CEP162: variants seen among roughly 807,000 people sequenced by gnomAD.
CEP162 encodes centrosomal protein 162, also known as centrosomal protein of 162 kDa.
A neutral mutation model predicts 169.2 loss-of-function variants in CEP162; 141 were observed. The observed-to-expected ratio is 0.83, with a 90% CI of 0.73 to 0.96. The LOEUF (loss-of-function observed/expected upper bound fraction) is 0.96. Among genes scored for constraint, CEP162 ranks in the 40% least tolerant of loss-of-function variants. CEP162 has a pLI of 0.00. For synonymous variants in CEP162, 540 were observed against 526.4 expected, an observed-to-expected ratio of 1.03 and a Z score of -0.35; for missense variants, 1,600 against 1,587.2, an observed-to-expected ratio of 1.01 and a Z score of -0.14.
intron 21 of CEP162, among the ~76,000 whole-genome samples, chr6:84,159,547 A>ATATTTTTTTTTTTTTTTTTT (rs2099524779): frequency 3.1e-5 from 1 of 31,940 alleles, no homozygotes; most frequent in Non-Finnish European, 5.1e-5. Flanking sequence ...ATATATATAT[A>ATATTTTTTTTTTTTTTTTTT]TTTTTTTTTT....
intron 13 of CEP162, among the ~76,000 whole-genome samples, chr6:84,179,585 A>C (rs1038590675): frequency 6.6e-6 from 1 of 151,990 alleles, no homozygotes; most frequent in Non-Finnish European, 1.5e-5. Context: ...AGATGAGTAG[A>C]TTGCAAAAAT....
At chr6:84,196,293 C>T (rs557876235) in intron 9 of CEP162, among the ~76,000 whole-genome samples, 2 of 152,288 alleles carry the variant, frequency 1.3e-5, no homozygotes, top group East Asian at 3.9e-4. Flanking sequence ...TTGCCTGCCG[C>T]TATCCATGTA....
At chr6:84,220,813 CTTAAT>C (rs1488760168) in intron 3 of CEP162, among the ~76,000 whole-genome samples, 3 of 152,110 alleles carry the variant, frequency 2.0e-5, no homozygotes, top group African/African-American at 7.2e-5. Flanking sequence ...GAATTGTCAC[CTTAAT>C]TTGAGTAAAT....
rs776374057 is a variant in CEP162 at position 84,200,905 on chromosome 6, A to G, written c.719T>C (p.Val240Ala). 1 of 1,561,282 alleles carries G rather than the reference A, an allele frequency of 6.4e-7. No individual in the cohort carries two copies. The highest frequency in any genetic ancestry group is 1.1e-5 in the South Asian group (1 of 88,986). The change falls in exon 9 of 27, where the codon GTT becomes GCT. Residue 240 changes from valine (V) to alanine (A), a missense_variant and splice_region_variant. Coordinates refer to ENST00000403245, the MANE Select transcript of CEP162 (RefSeq NM_014895.4). ...AGAGTCTAATGAATCAAGCAGCACA[A>G]CTGGAAGAATATAAAAGAAAAATAT... ...EEEKTGMLAN[V>A]VLLDSLDSVA...
chr6:84,164,563 G>A (rs1030833114), intron 18 of CEP162, among the ~76,000 whole-genome samples: 32 of 152,098 alleles, frequency 2.1e-4, no homozygotes, highest in African/African-American at 6.5e-4. Context: ...GGATGAAGCC[G>A]GAAACCATCA....
At chr6:84,206,189 T>A (rs1419543988) in intron 6 of CEP162, among the ~76,000 whole-genome samples, 1 of 149,188 alleles carries the variant, frequency 6.7e-6, no homozygotes, top group Non-Finnish European at 1.5e-5. Context: ...AAGCTACCAA[T>A]GACTTTCTTC....
chr6:84,128,489 C>T (rs1334264030), intron 25 of CEP162, among the ~76,000 whole-genome samples: 1 of 152,036 alleles, frequency 6.6e-6, no homozygotes, highest in Non-Finnish European at 1.5e-5. Flanking sequence ...GAGCCTGAGA[C>T]CTAGAGTCAG....
intron 13 of CEP162, among the ~76,000 whole-genome samples, chr6:84,183,617 A>G (rs2099535829): frequency 6.6e-6 from 1 of 152,118 alleles, no homozygotes; most frequent in African/African-American, 2.4e-5. Context: ...GTCACACTCC[A>G]TTGATGCCCT....
At chr6:84,174,703 A>T (rs1344182839) in intron 15 of CEP162, 24 bp downstream of exon 15, 2 of 1,079,882 alleles carry the variant, frequency 1.9e-6, no homozygotes, top group Non-Finnish European at 2.7e-6. Flanking sequence ...ATATAAAAAA[A>T]TACCAGAACA....
At position 84,152,754 on chromosome 6, in the gene CEP162, C is replaced by T. The variant is rs1221319196; in HGVS notation, c.3420G>A (p.Leu1140=). The T allele has an allele frequency of 6.2e-7, 1 of 1,613,240 alleles. No homozygotes were observed. The highest frequency in any genetic ancestry group is 1.3e-5 in the African/African-American group (1 of 74,908). ...AGTTAGCATTTCCTTTACTTGAGTGCAAAACATCTTTCTTTGCCCTTTTGG... is the reference window on the plus strand; with the variant it reads ...AGTTAGCATTTCCTTTACTTGAGTGTAAAACATCTTTCTTTGCCCTTTTGG... The part of the protein sequence containing the change: ...MSAKRAKKDV[L]HSSKGNANSF... Residue 1140 remains leucine, a synonymous_variant, in exon 23 of 27, where the codon TTG becomes TTA. Coordinates refer to ENST00000403245, the MANE Select transcript of CEP162 (RefSeq NM_014895.4).
chr6:84,175,669 TTC>T (rs1182985399), intron 13 of CEP162, among the ~76,000 whole-genome samples: 1 of 152,228 alleles, frequency 6.6e-6, no homozygotes, highest in East Asian at 1.9e-4. Flanking sequence ...AAATAAATTC[TTC>T]TGTTAAATGT....
At chr6:84,196,666 G>T (rs1168496923) in intron 9 of CEP162, among the ~76,000 whole-genome samples, 1 of 152,046 alleles carries the variant, frequency 6.6e-6, no homozygotes. Context: ...CATACCCATG[G>T]TTAATTAACC....
At chr6:84,139,037 T>C (rs1368288257) in intron 25 of CEP162, among the ~76,000 whole-genome samples, 4 of 152,358 alleles carry the variant, frequency 2.6e-5, no homozygotes, top group South Asian at 2.1e-4. Context: ...ATGGTATATA[T>C]GCATCAAAGA....
chr6:84,191,535 A>G (rs2127720981), intron 11 of CEP162, among the ~76,000 whole-genome samples: 1 of 152,302 alleles, frequency 6.6e-6, no homozygotes, highest in Non-Finnish European at 1.5e-5. Context: ...TGGTTCCACC[A>G]TTATATATTG....
Position 84,186,422 on chromosome 6 carries a change from T to G in CEP162, c.1311A>C (p.Glu437Asp). ...CPQVTEVTAT[E>D]EHVDKMYLNI... Reference sequence around the variant, plus strand: ...TAAGGTACATTTTATCAACATGTTCTTCTGTGGCAGTTACTTCAGTTACTT... The same window carrying G: ...TAAGGTACATTTTATCAACATGTTCGTCTGTGGCAGTTACTTCAGTTACTT... Residue 437 changes from glutamate (E) to aspartate (D), a missense_variant, in exon 12 of 27, where the codon GAA (glutamate) becomes GAC (aspartate). Physicochemically the swap from Glu to Asp is conservative, Grantham distance 45. Transcript: ENST00000403245. The G allele has an allele frequency of 6.3e-7, 1 of 1,599,164 alleles. No homozygotes were observed. The highest frequency in any genetic ancestry group is 1.1e-5 in the South Asian group (1 of 90,778).
At position 84,200,820 on chromosome 6, in the gene CEP162, T is replaced by C. The variant is rs2099544134; in HGVS notation, c.804A>G (p.Pro268=). 1.9e-6 allele frequency: 3 copies of C among 1,608,774 alleles called. No homozygotes were observed. The highest frequency in any genetic ancestry group is 1.6e-4 in the Middle Eastern group (1 of 6,076). Residue 268 remains proline (P), a synonymous_variant, in exon 9 of 27, where the codon CCA becomes CCG. Transcript: ENST00000403245. ...DKITPKPRCL[P]EMTENEMTGT... ...CTGTCATTTCATTCTCAGTCATTTC[T>C]GGTAGGCACCTTGGCTTAGGTGTTA...
intron 24 of CEP162, 53 bp from the exon 25 acceptor site, chr6:84,146,838 C>T: frequency 2.2e-6 from 2 of 923,574 alleles, no homozygotes; most frequent in Non-Finnish European, 3.3e-6. Context: ...TGAACACTAT[C>T]TGAAAAATAT....
rs1300473454 is a variant in CEP162 at position 84,159,528 on chromosome 6, T to TAA, written c.2781+1283_2781+1284insTT. Among the ~76,000 whole-genome samples, 33 of 38,474 alleles carry TAA rather than the reference T, an allele frequency of 8.6e-4. No homozygotes were observed. The East Asian group carries it at 0.022, about 26-fold the overall frequency. 25.2% of individuals were successfully genotyped at this position (38,474 alleles called of 152,430 possible). A position where few individuals can be genotyped will look rare whatever the true frequency, so the allele number is the denominator to read the frequency against. On this transcript the variant is annotated intron_variant, in intron 21 of 26. Coordinates refer to ENST00000403245, the MANE Select transcript of CEP162 (RefSeq NM_014895.4). The stretch of plus-strand genomic sequence containing the variant: ...TCTTTTTTAAAATTAATTATTTATA[T>TAA]ATATATATATATATATATATTTTTT...
At chr6:84,213,078 G>A in intron 5 of CEP162, 54 bp from the exon 6 acceptor site, 1 of 1,077,234 alleles carries the variant, frequency 9.3e-7, no homozygotes. Flanking sequence ...ATATTCTCAT[G>A]CAACTCTTTC....
Sources: allele counts gnomAD v4.1 joint callset (sites outside exome capture counted in the v4.1 genomes callset), GRCh38; gene constraint gnomAD v4.1.1; transcripts MANE v1.5; gene names NCBI Gene and HGNC (gene_info 2026-07-23, HGNC 2026-07-21).